Variants in RBFOX3 observed in about 807,000 individuals in gnomAD.
The protein encoded by RBFOX3 is RNA binding fox-1 homolog 3.
Under a neutral mutation model 48.7 loss-of-function variants are expected in RBFOX3, and 17 were observed. The observed-to-expected ratio is 0.35, with a 90% CI of 0.24 to 0.52. RBFOX3 has a LOEUF of 0.52. Ranked by LOEUF, RBFOX3 falls within the 20% of genes least tolerant of loss-of-function variation. The pLI is 0.94. For missense variants in RBFOX3, 382 were observed against 497.5 expected, an observed-to-expected ratio of 0.77 and a Z score of 2.21; for synonymous variants, 212 against 209.5, an observed-to-expected ratio of 1.01 and a Z score of -0.10.
intron 2 of RBFOX3, among the ~76,000 whole-genome samples, chr17:79,420,125 T>TCTCACA (rs1555721297): frequency 9.5e-4 from 24 of 25,232 alleles, no homozygotes; most frequent in Non-Finnish European, 1.3e-3. Flanking sequence ...AGACTCCGTC[T>TCTCACA]CATACACACA....
At chr17:79,155,878 C>T (rs2045677900) in intron 4 of RBFOX3, among the ~76,000 whole-genome samples, 1 of 152,326 alleles carries the variant, frequency 6.6e-6, no homozygotes, top group Admixed American at 6.5e-5. Flanking sequence ...ACCCGCACCT[C>T]TCCTCTCTGA....
intron 4 of RBFOX3, among the ~76,000 whole-genome samples, chr17:79,187,878 G>C (rs943561415): frequency 3.9e-5 from 6 of 151,946 alleles, no homozygotes; most frequent in African/African-American, 1.4e-4. Context: ...GCTGCGGATG[G>C]GAAACCCGGC....
At chr17:79,316,117 A>C (rs568500370) in intron 2 of RBFOX3, among the ~76,000 whole-genome samples, 2 of 151,820 alleles carry the variant, frequency 1.3e-5, no homozygotes, top group South Asian at 4.2e-4. Flanking sequence ...TAATTTGCCA[A>C]GTAAAAATTG....
chr17:79,405,778 G>A (rs539168325), intron 2 of RBFOX3, among the ~76,000 whole-genome samples: 1 of 152,328 alleles, frequency 6.6e-6, no homozygotes, highest in East Asian at 1.9e-4. Context: ...GCACACAGCT[G>A]CACAACTCTT....
the RBFOX3 span, among the ~76,000 whole-genome samples, chr17:79,657,808 C>T: frequency 1.1e-4 from 17 of 152,230 alleles, no homozygotes; most frequent in Admixed American, 1.0e-3. Flanking sequence ...AGGTCCCAGG[C>T]ATCTGCCAAG....
At chr17:79,464,794 G>A (rs1555752444) in intron 2 of RBFOX3, among the ~76,000 whole-genome samples, 1 of 152,258 alleles carries the variant, frequency 6.6e-6, no homozygotes, top group African/African-American at 2.4e-5. Flanking sequence ...CCCGAGGACA[G>A]CTGAGAACAG....
At chr17:79,091,015 T>G in intron 14 of RBFOX3, 130 bp from the exon 15 acceptor site, 1 of 898,688 alleles carries the variant, frequency 1.1e-6, no homozygotes, top group Non-Finnish European at 1.7e-6. Flanking sequence ...GCCCCCCAGG[T>G]TTCCAGGACC....
intron 4 of RBFOX3, among the ~76,000 whole-genome samples, chr17:79,161,272 T>C (rs1237951984): frequency 6.6e-6 from 1 of 152,062 alleles, no homozygotes; most frequent in Non-Finnish European, 1.5e-5. Context: ...ACGAGTCAAG[T>C]CGCAGAGCCC....
At chr17:79,144,354 G>A (rs971778794) in intron 4 of RBFOX3, among the ~76,000 whole-genome samples, 2 of 148,038 alleles carry the variant, frequency 1.4e-5, no homozygotes, top group African/African-American at 5.0e-5. Context: ...AGGGTGGGGT[G>A]GGCAGAGTAG....
intron 2 of RBFOX3, among the ~76,000 whole-genome samples, chr17:79,378,497 C>T (rs959444342): frequency 5.9e-5 from 9 of 152,180 alleles, no homozygotes; most frequent in Non-Finnish European, 1.3e-4. Flanking sequence ...GTGTCGGACT[C>T]GCTAGGACAT....
chr17:79,404,249 G>T (rs905945342), intron 2 of RBFOX3, among the ~76,000 whole-genome samples: 1 of 152,230 alleles, frequency 6.6e-6, no homozygotes, highest in African/African-American at 2.4e-5. Context: ...GTGGGCGTGG[G>T]CAGGGCCACA....
intron 1 of RBFOX3, among the ~76,000 whole-genome samples, chr17:79,511,949 C>T (rs1371240428): frequency 6.7e-6 from 1 of 149,268 alleles, no homozygotes; most frequent in African/African-American, 2.5e-5. Flanking sequence ...CGGATACAGC[C>T]CCATGGCCAG....
the RBFOX3 span, among the ~76,000 whole-genome samples, chr17:79,620,379 A>G: frequency 7.2e-6 from 1 of 139,606 alleles, no homozygotes; most frequent in Non-Finnish European, 1.5e-5. Flanking sequence ...GGACATACAC[A>G]CACATGCACA....
At chr17:79,338,752 G>A (rs2146581142) in intron 2 of RBFOX3, among the ~76,000 whole-genome samples, 1 of 152,328 alleles carries the variant, frequency 6.6e-6, no homozygotes, top group South Asian at 2.1e-4. Flanking sequence ...AGAGGCGTGA[G>A]ATGCAGTCAG....
At chr17:79,517,203 T>C (rs1166246629) in intron 1 of RBFOX3, among the ~76,000 whole-genome samples, 1 of 151,974 alleles carries the variant, frequency 6.6e-6, no homozygotes, top group Non-Finnish European at 1.5e-5. Context: ...CCCAGCACTT[T>C]AGGAAGCTGA....
At chr17:79,637,183 TAGAC>T in the RBFOX3 span, among the ~76,000 whole-genome samples, 1 of 152,184 alleles carries the variant, frequency 6.6e-6, no homozygotes, top group East Asian at 1.9e-4. Flanking sequence ...AAGGGAGTGA[TAGAC>T]AGCAATATAA....
intron 1 of RBFOX3, among the ~76,000 whole-genome samples, chr17:79,505,210 T>C (rs1239065872): frequency 6.6e-6 from 1 of 152,056 alleles, no homozygotes. Context: ...TCATGATCGC[T>C]TCAGAAGAGG....
At chr17:79,221,542 C>T (rs938359453) in intron 4 of RBFOX3, among the ~76,000 whole-genome samples, 1 of 152,244 alleles carries the variant, frequency 6.6e-6, no homozygotes, top group African/African-American at 2.4e-5. Flanking sequence ...AGACTAAACA[C>T]CCAGGACTTT....
chr17:79,452,462 G>A (rs919743004), intron 2 of RBFOX3, among the ~76,000 whole-genome samples: 4 of 152,210 alleles, frequency 2.6e-5, no homozygotes, highest in African/African-American at 9.6e-5. Context: ...ACATGGACGT[G>A]GTTTATGATT....
Sources: gnomAD v4.1 joint callset for allele counts (sites outside exome capture counted in the v4.1 genomes callset) on GRCh38, gnomAD v4.1.1 for gene constraint, MANE v1.5 for transcripts, NCBI Gene and HGNC (gene_info 2026-07-23, HGNC 2026-07-21) for gene names.